RNH1: variants seen among roughly 807,000 people sequenced by gnomAD.
The protein encoded by RNH1 is ribonuclease/angiogenin inhibitor 1.
Under a neutral mutation model 46.1 loss-of-function variants are expected in RNH1, and 38 were observed. The ratio of observed to expected loss-of-function variants is 0.82; its 90% CI spans 0.64 to 1.08. The LOEUF (loss-of-function observed/expected upper bound fraction) is 1.08, where lower values mean the gene tolerates loss of function less well. Among genes scored for constraint, RNH1 ranks in the 50% least tolerant of loss-of-function variants. The pLI is 0.00. For missense variants in RNH1, 577 were observed against 590.7 expected (o/e 0.98, Z 0.24); for synonymous variants, 319 against 279.1 (o/e 1.14, Z -1.43).
At chr11:507,077 C>G (rs1266937479) in intron 1 of RNH1, 36 bp downstream of exon 1, 1 of 152,268 alleles carries the variant, frequency 6.6e-6, no homozygotes, top group Admixed American at 6.5e-5. Flanking sequence ...TGGGCGAGGC[C>G]TGGCTAGACG....
At chr11:500,876 C>T in intron 3 of RNH1, 2 of 659,842 alleles carry the variant, frequency 3.0e-6, no homozygotes, top group Non-Finnish European at 5.5e-6. Flanking sequence ...CGCCTGTAAT[C>T]CCAGCACTTT....
chr11:500,721 C>T, intron 3 of RNH1, 67 bp from the exon 4 acceptor site: 1 of 1,554,330 alleles, frequency 6.4e-7, no homozygotes, highest in Non-Finnish European at 8.7e-7. Context: ...CACCACCACC[C>T]CACGTGCAGG....
chr11:500,270 C>A lies in RNH1; in HGVS notation c.272+214G>T, dbSNP rs944524868. On this transcript the variant is annotated intron_variant, in intron 4 of 10. Coordinates refer to ENST00000354420, the MANE Select transcript of RNH1 (RefSeq NM_203387.3). ...CTAGGGATGGCGGGCAGGGCCAGAT[C>A]TTGGGTGCGGGGGCTGGGATAAGGC... 3 of 688,282 alleles carry A rather than the reference C, an allele frequency of 4.4e-6. No homozygotes were observed. The African/African-American group carries it at 5.4e-5, about 12-fold the overall frequency. The allele number at this position is 688,282 out of a possible 1,614,324, so 42.6% of individuals were successfully genotyped here.
At chr11:504,578 G>GC (rs35756450) in intron 2 of RNH1, 14,800 of 152,300 alleles carry the variant, frequency 0.097, 989 homozygotes, top group Admixed American at 0.19. Flanking sequence ...TCTGGGCTCA[G>GC]CCCCCGGGCC....
intron 1 of RNH1, chr11:505,959 A>T (rs1850237733): frequency 6.9e-6 from 1 of 144,326 alleles, no homozygotes; most frequent in African/African-American, 2.6e-5. Flanking sequence ...GGCTCACCGC[A>T]ACCTCCGCCT....
chr11:494,569 A>C lies in RNH1; in HGVS notation c.*122T>G, dbSNP rs981511823. ...GTGTCCAAAATATACTGGCAGAAAT[A>C]AGCGGATCTGAGCGTTTCTCTTCAA... On this transcript the variant is annotated 3_prime_UTR_variant, in exon 11 of 11. Coordinates refer to ENST00000354420, the MANE Select transcript of RNH1 (RefSeq NM_203387.3). The C allele has an allele frequency of 3.6e-6, 3 of 833,146 alleles. No individual in the cohort carries two copies. The African/African-American group carries it at 5.2e-5, about 14-fold the overall frequency. 51.6% of individuals were successfully genotyped at this position (833,146 alleles called of 1,614,324 possible).
intron 3 of RNH1, chr11:500,945 A>G (rs1048550712): frequency 4.2e-6 from 2 of 476,730 alleles, no homozygotes; most frequent in Non-Finnish European, 7.8e-6. Flanking sequence ...CCTGACCAAC[A>G]TGGAGAAACC....
intron 2 of RNH1, chr11:504,277 C>G (rs1850036630): frequency 1.3e-5 from 2 of 152,350 alleles, no homozygotes; most frequent in South Asian, 4.1e-4. Context: ...CTGGGACCCC[C>G]GCCCGCGCCC....
chr11:501,847 C>G lies in RNH1; in HGVS notation c.101+215G>C, dbSNP rs1849777775. 5 of 579,240 alleles carry G rather than the reference C, an allele frequency of 8.6e-6. No individual in the cohort carries two copies. The highest frequency in any genetic ancestry group is 8.3e-5 in the South Asian group (4 of 48,482). The allele number at this position is 579,240 out of a possible 1,614,324, so 35.9% of individuals were successfully genotyped here. The stretch of plus-strand genomic sequence containing the variant: ...TGGCCGCCCACCTCGGCCCGCCCAC[C>G]TCAGCCCATGCTGCATGAGCCTGGA... On this transcript the variant is annotated intron_variant, in intron 3 of 10. Coordinates refer to ENST00000354420, the MANE Select transcript of RNH1 (RefSeq NM_203387.3). The surrounding 1 kb of genome is among the most constrained non-coding windows in gnomAD (Gnocchi z 4.1).
Position 495,655 on chromosome 11 carries a change from A to AG in RNH1, c.1128-603dup, listed in dbSNP as rs1491370148. Among the ~76,000 whole-genome samples, 4 of 152,320 alleles carry AG rather than the reference A, an allele frequency of 2.6e-5. No individual in the cohort carries two copies. The East Asian group carries it at 7.7e-4, about 29-fold the overall frequency. On this transcript the variant is annotated intron_variant, in intron 9 of 10. Coordinates refer to ENST00000354420, the MANE Select transcript of RNH1 (RefSeq NM_203387.3). ...AGGACCCCCACCCTGTGAGTGGCTC[A>AG]GGGGGAACAAGTCTGCAGTGACCAG...
intron 4 of RNH1, 49 bp from the exon 5 acceptor site, chr11:500,048 C>A: frequency 6.7e-7 from 1 of 1,481,910 alleles, no homozygotes; most frequent in Non-Finnish European, 9.0e-7. Flanking sequence ...CAAGCTGCCA[C>A]GCCCTTCGCC....
rs1457012631 is a variant in RNH1, at chr11:498,908, C to T, written c.640G>A (p.Asp214Asn). 1.2e-5 allele frequency: 19 copies of T among 1,612,550 alleles called. No homozygotes were observed. The highest frequency in any genetic ancestry group is 1.6e-5 in the Non-Finnish European group (19 of 1,179,854). Residue 214 changes from aspartate (D) to asparagine (N), a missense_variant, in exon 7 of 11, where the codon GAC becomes AAC. Physicochemically the swap from Asp to Asn is conservative, Grantham distance 23. Transcript: ENST00000354420. ...LKLESCGVTS[D>N]NCRDLCGIVA... ...ATGCCGCACAGGTCCCGGCAGTTGT[C>T]TGATGTCACACCGCAGCTCTCCAGC...
Position 500,471 on chromosome 11 carries a change from G to A in RNH1, c.272+13C>T. The A allele has an allele frequency of 5.0e-6, 8 of 1,600,398 alleles. No individual in the cohort carries two copies. The highest frequency in any genetic ancestry group is 6.8e-6 in the Non-Finnish European group (8 of 1,176,164). The stretch of plus-strand genomic sequence containing the variant: ...CTGCACCAGGCCAGAGGCAGTGCCA[G>A]GCCCCGCCTCACCTCAGCTTCTGGA... On this transcript the variant is annotated intron_variant, in intron 4 of 10. Transcript: ENST00000354420.
At chr11:499,314 T>A in intron 5 of RNH1, 129 bp from the exon 6 acceptor site, 1 of 1,018,284 alleles carries the variant, frequency 9.8e-7, no homozygotes, top group Non-Finnish European at 1.4e-6. Flanking sequence ...GTGTCAGTGC[T>A]GAGGGACCCC....
chr11:500,153 C>A lies in RNH1; in HGVS notation c.273-154G>T. On this transcript the variant is annotated intron_variant, in intron 4 of 10. Transcript: ENST00000354420. ...GGCTCTGGGGTCTGGGGTCTCCAGGCCGAGTGAAGGAGGGCACGCATGTGG... is the reference window on the plus strand; with the variant it reads ...GGCTCTGGGGTCTGGGGTCTCCAGGACGAGTGAAGGAGGGCACGCATGTGG... 4 of 908,906 alleles carry A rather than the reference C, an allele frequency of 4.4e-6. No homozygotes were observed. In the Admixed American group the frequency reaches 8.8e-5, roughly 20 times the overall value. The allele number at this position is 908,906 out of a possible 1,614,324, so 56.3% of individuals were successfully genotyped here.
rs1212300048 is a variant in RNH1, at chr11:498,478, C to T, written c.935G>A (p.Gly312Asp). The change falls in exon 8 of 11, where the codon GGC (glycine) becomes GAC (aspartate). Residue 312 changes from glycine to aspartate, a missense_variant. Coordinates refer to ENST00000354420, the MANE Select transcript of RNH1 (RefSeq NM_203387.3). ...TCACCACAGCGACTCCAGCTGGCAGCCAGGTTCCAGCAGGGTCTCACACAG... is the reference window on the plus strand; with the variant it reads ...TCACCACAGCGACTCCAGCTGGCAGTCAGGTTCCAGCAGGGTCTCACACAG... ...RLLCETLLEP[G>D]CQLESLWVKS... 6.2e-7 allele frequency: 1 copy of T among 1,612,942 alleles called. No homozygotes were observed. The highest frequency in any genetic ancestry group is 1.1e-5 in the South Asian group (1 of 91,074).
At position 502,553 on chromosome 11, in the gene RNH1, G is replaced by T. The variant is rs1849844526; in HGVS notation, c.-87-304C>A. The T allele has an allele frequency of 6.5e-6, 2 of 306,164 alleles. No homozygotes were observed. The highest frequency in any genetic ancestry group is 6.4e-6 in the Non-Finnish European group (1 of 155,612). 19.0% of individuals were successfully genotyped at this position (306,164 alleles called of 1,614,324 possible). The stretch of plus-strand genomic sequence containing the variant: ...CCTGCCTCTCATTTGCTTGGGCAAG[G>T]ACAGGGTAGGGTGGGGTGGTCTGTG... On this transcript the variant is annotated intron_variant, in intron 2 of 10. Coordinates refer to ENST00000354420, the MANE Select transcript of RNH1 (RefSeq NM_203387.3). This position sits in a 1 kb window ranked among gnomAD's most constrained non-coding sequence, Gnocchi z 5.8.
chr11:497,754 C>T (rs1238940643), intron 9 of RNH1, among the ~76,000 whole-genome samples: 1 of 151,796 alleles, frequency 6.6e-6, no homozygotes, highest in African/African-American at 2.4e-5. Context: ...TGCTCACTCA[C>T]GTGCTCACAC....
At position 502,319 on chromosome 11, in the gene RNH1, C is replaced by T. The variant is rs1849823217; in HGVS notation, c.-87-70G>A. On this transcript the variant is annotated intron_variant, in intron 2 of 10. Coordinates refer to ENST00000354420, the MANE Select transcript of RNH1 (RefSeq NM_203387.3). This position sits in a 1 kb window ranked among gnomAD's most constrained non-coding sequence, Gnocchi z 5.8. ...GCCTCTCCCTGGGCAAACACTTCCT[C>T]TTCAGCACCCTCCCCACCTTTGTCT... 2 of 650,486 alleles carry T rather than the reference C, an allele frequency of 3.1e-6. No homozygotes were observed. Among genetic ancestry groups the T allele is most frequent in the African/African-American group, 1.8e-5 (1 of 56,106 alleles). 40.3% of individuals were successfully genotyped at this position (650,486 alleles called of 1,614,324 possible).
Sources: allele counts gnomAD v4.1 joint callset (sites outside exome capture counted in the v4.1 genomes callset), GRCh38; gene constraint gnomAD v4.1.1; non-coding constraint Gnocchi (gnomAD v3.1); transcripts MANE v1.5; gene names NCBI Gene and HGNC (gene_info 2026-07-23, HGNC 2026-07-21).